PPM1H: variants seen among roughly 807,000 people sequenced by gnomAD.
PPM1H encodes protein phosphatase, Mg2+/Mn2+ dependent 1H, also known as protein phosphatase 1H.
PPM1H carries 27 observed loss-of-function variants against 54.9 expected under a neutral mutation model. The ratio of observed to expected loss-of-function variants is 0.49; its 90% CI spans 0.36 to 0.68. PPM1H has a LOEUF of 0.68. Among genes scored for constraint, PPM1H ranks in the 30% least tolerant of loss-of-function variants. PPM1H has a pLI of 0.00. For missense variants in PPM1H, 596 were observed against 667.8 expected (o/e 0.89, Z 1.19); for synonymous variants, 305 against 270.8 (o/e 1.13, Z -1.24).
intron 4 of PPM1H, among the ~76,000 whole-genome samples, chr12:62,746,827 C>A (rs188908568): frequency 3.3e-5 from 5 of 152,312 alleles, no homozygotes; most frequent in Admixed American, 2.0e-4. Context: ...TCATTCACAC[C>A]CCCCCACTTC....
intron 1 of PPM1H, among the ~76,000 whole-genome samples, chr12:62,913,000 G>T (rs1381897732): frequency 6.6e-6 from 1 of 152,118 alleles, no homozygotes; most frequent in Non-Finnish European, 1.5e-5. Flanking sequence ...ATAAATGCAG[G>T]CTCATGCAAA....
At chr12:62,724,823 A>T (rs2076281518) in intron 5 of PPM1H, among the ~76,000 whole-genome samples, 1 of 152,200 alleles carries the variant, frequency 6.6e-6, no homozygotes, top group African/African-American at 2.4e-5. Flanking sequence ...CATTTTTATT[A>T]TCTATCACTA....
chr12:62,748,231 A>G (rs1167020764), intron 4 of PPM1H, among the ~76,000 whole-genome samples: 1 of 151,438 alleles, frequency 6.6e-6, no homozygotes, highest in Non-Finnish European at 1.5e-5. Flanking sequence ...CGACAGAGCG[A>G]GACTCCGTCT....
chr12:62,648,338 T>G lies in PPM1H; in HGVS notation c.*151A>C. 1.1e-6 allele frequency: 1 copy of G among 951,158 alleles called. No homozygotes were observed. The highest frequency in any genetic ancestry group is 1.6e-5 in the African/African-American group (1 of 60,996). The allele number at this position is 951,158 out of a possible 1,614,324, so 58.9% of individuals were successfully genotyped here. A position where few individuals can be genotyped will look rare whatever the true frequency, so the allele number is the denominator to read the frequency against. On this transcript the variant is annotated 3_prime_UTR_variant, in exon 10 of 10. Coordinates refer to ENST00000228705, the MANE Select transcript of PPM1H (RefSeq NM_020700.2). ...AAGAAATGGAAACCAAAGGGTCATC[T>G]TGAAGCATAGTCTTTTGGCCATGAA...
At chr12:62,874,554 C>A (rs116570785) in intron 1 of PPM1H, among the ~76,000 whole-genome samples, 355 of 151,962 alleles carry the variant, frequency 2.3e-3, no homozygotes, top group African/African-American at 8.3e-3. Flanking sequence ...ATAGAGAAGG[C>A]ACTCCCCAAA....
At chr12:62,730,909 G>T (rs2076317367) in intron 5 of PPM1H, among the ~76,000 whole-genome samples, 1 of 152,190 alleles carries the variant, frequency 6.6e-6, no homozygotes, top group South Asian at 2.1e-4. Context: ...TGCAGGAATA[G>T]AATATTTTGG....
In PPM1H at chr12:62,647,258, A is replaced by G. The variant is rs1163788207; in HGVS notation, c.*1231T>C. 6.6e-6 allele frequency: 1 copy of G among 152,246 alleles called. No individual in the cohort carries two copies. Among genetic ancestry groups the G allele is most frequent in the Non-Finnish European group, 1.5e-5 (1 of 68,048 alleles). The allele number at this position is 152,246 out of a possible 1,614,324, so 9.4% of individuals were successfully genotyped here. A position where few individuals can be genotyped will look rare whatever the true frequency, so the allele number is the denominator to read the frequency against. The stretch of plus-strand genomic sequence containing the variant: ...CATGATTCTTTAGAGAAGAGAAGAG[A>G]CAGGGAGCACAGCATGAGAATGGCC... On this transcript the variant is annotated 3_prime_UTR_variant, in exon 10 of 10. Transcript: ENST00000228705.
At chr12:62,758,078 T>C (rs566901883) in intron 4 of PPM1H, among the ~76,000 whole-genome samples, 25 of 152,238 alleles carry the variant, frequency 1.6e-4, no homozygotes, top group Non-Finnish European at 3.7e-4. Context: ...TGCTTAAAAC[T>C]ACCCCAGAAC....
chr12:62,812,961 G>T (rs1322170138), intron 2 of PPM1H, among the ~76,000 whole-genome samples: 3 of 151,506 alleles, frequency 2.0e-5, no homozygotes, highest in Admixed American at 6.6e-5. Flanking sequence ...TGTCAAAAAT[G>T]ACCAGCTTAA....
intron 3 of PPM1H, among the ~76,000 whole-genome samples, chr12:62,801,088 C>G (rs1377097251): frequency 6.6e-6 from 1 of 152,248 alleles, no homozygotes; most frequent in Non-Finnish European, 1.5e-5. Context: ...TGTGGTAAAA[C>G]AGCCGTTCTT....
At chr12:62,789,869 AGC>A (rs1355676769) in intron 3 of PPM1H, among the ~76,000 whole-genome samples, 1 of 152,264 alleles carries the variant, frequency 6.6e-6, no homozygotes, top group Non-Finnish European at 1.5e-5. Context: ...ATTCTGTGTT[AGC>A]GATAGAAGCA....
rs2075783849 is a variant in PPM1H at position 62,646,174 on chromosome 12, T to TCTAA, written c.*2311_*2314dup. On this transcript the variant is annotated 3_prime_UTR_variant, in exon 10 of 10. Transcript: ENST00000228705. ...TAGGAAAACAATTCCTGGATGCCTT[T>TCTAA]CTAACTAAAACCAGCAGGACTAAGT... 6.6e-6 allele frequency: 1 copy of TCTAA among 152,222 alleles called. No homozygotes were observed. The highest frequency in any genetic ancestry group is 6.5e-5 in the Admixed American group (1 of 15,282). 9.4% of individuals were successfully genotyped at this position (152,222 alleles called of 1,614,324 possible).
At chr12:62,703,975 C>CGTGTGTGTGT (rs4026211) in intron 6 of PPM1H, among the ~76,000 whole-genome samples, 2,935 of 146,620 alleles carry the variant, frequency 0.02, 75 homozygotes, top group East Asian at 0.087. Flanking sequence ...AGAGAGAAAG[C>CGTGTGTGTGT]GTGTGTGTGT....
intron 6 of PPM1H, among the ~76,000 whole-genome samples, chr12:62,712,771 C>T (rs752351602): frequency 3.3e-5 from 5 of 152,122 alleles, no homozygotes; most frequent in Non-Finnish European, 7.4e-5. Flanking sequence ...CAAAGAGGGA[C>T]ACTGTCCCTT....
chr12:62,880,506 C>G (rs1173862020), intron 1 of PPM1H, among the ~76,000 whole-genome samples: 1 of 152,180 alleles, frequency 6.6e-6, no homozygotes, highest in Non-Finnish European at 1.5e-5. Context: ...TAAAGGCATG[C>G]ACACTTATAC....
chr12:62,838,751 C>T (rs1868598038), intron 1 of PPM1H, among the ~76,000 whole-genome samples: 1 of 125,896 alleles, frequency 7.9e-6, no homozygotes, highest in Non-Finnish European at 1.7e-5. Context: ...GAAACCCCGT[C>T]TCTACTAAAA....
At chr12:62,841,026 A>G (rs771552395) in intron 1 of PPM1H, among the ~76,000 whole-genome samples, 7 of 152,076 alleles carry the variant, frequency 4.6e-5, no homozygotes, top group African/African-American at 7.2e-5. Flanking sequence ...CCTGTTGGAC[A>G]TGGGTTATGG....
At chr12:62,654,709 T>C (rs1384646178) in intron 9 of PPM1H, among the ~76,000 whole-genome samples, 1 of 152,222 alleles carries the variant, frequency 6.6e-6, no homozygotes, top group African/African-American at 2.4e-5. Context: ...GCTGCAGACC[T>C]GTATGGATTC....
At chr12:62,653,213 A>G (rs1367794854) in intron 9 of PPM1H, among the ~76,000 whole-genome samples, 1 of 152,228 alleles carries the variant, frequency 6.6e-6, no homozygotes, top group East Asian at 1.9e-4. Context: ...CTTTTTACTT[A>G]TCATGGTAAG....
Sources: gnomAD v4.1 joint callset for allele counts (sites outside exome capture counted in the v4.1 genomes callset) on GRCh38, gnomAD v4.1.1 for gene constraint, MANE v1.5 for transcripts, NCBI Gene and HGNC (gene_info 2026-07-23, HGNC 2026-07-21) for gene names.